KHDRBS2: variants seen among roughly 807,000 people sequenced by gnomAD.
KHDRBS2 encodes KH RNA binding domain containing, signal transduction associated 2, also known as KH domain-containing, RNA-binding, signal transduction-associated protein 2.
In KHDRBS2, 26 loss-of-function variants were observed where a neutral mutation model predicts 44.3. That is an observed-to-expected ratio of 0.59 (90% confidence interval 0.43 to 0.81). The LOEUF is 0.81. Among genes scored for constraint, KHDRBS2 ranks in the 40% least tolerant of loss-of-function variants. KHDRBS2 has a pLI of 0.00. For synonymous variants in KHDRBS2, 194 were observed against 151.1 expected (o/e 1.28, Z -2.08); for missense variants, 476 against 433.1 (o/e 1.10, Z -0.88).
At chr6:61,782,384 T>G (rs960968439) in intron 6 of KHDRBS2, among the ~76,000 whole-genome samples, 5 of 151,976 alleles carry the variant, frequency 3.3e-5, no homozygotes, top group African/African-American at 1.2e-4. Flanking sequence ...GAAATACCAT[T>G]TTTGAAGGGC....
rs778371723 is a variant in KHDRBS2 at position 61,978,190 on chromosome 6, C to T, written c.359G>A (p.Gly120Glu). The T allele has an allele frequency of 6.2e-6, 10 of 1,606,208 alleles. No individual in the cohort carries two copies. Among genetic ancestry groups the T allele is most frequent in the African/African-American group, 1.3e-5 (1 of 74,544 alleles). The change falls in exon 4 of 9, where the codon GGG (glycine) becomes GAG (glutamate). Residue 120 changes from glycine (G) to glutamate (E), a missense_variant. By Grantham distance (98) the Gly-to-Glu change is moderately conservative (BLOSUM62 -2). Transcript: ENST00000281156. ...KAKEEELRKS[G>E]EAKYAHLSDE... is the part of the protein sequence containing the mutation. ...ACTCAAGTGGGCATATTTGGCTTCC[C>T]CACTCTTCCTTAGTTCTTCTTCCTG...
chr6:61,828,748 A>G (rs1370799209), intron 6 of KHDRBS2, among the ~76,000 whole-genome samples: 1 of 152,192 alleles, frequency 6.6e-6, no homozygotes, highest in African/African-American at 2.4e-5. Context: ...ATTTGTCACA[A>G]GATTTTACAC....
intron 4 of KHDRBS2, among the ~76,000 whole-genome samples, chr6:61,939,133 T>G (rs972205510): frequency 1.3e-5 from 2 of 151,512 alleles, no homozygotes; most frequent in Non-Finnish European, 2.9e-5. Flanking sequence ...ACACCAAAAA[T>G]TATCTGGCCT....
intron 3 of KHDRBS2, among the ~76,000 whole-genome samples, chr6:62,025,625 T>A (rs1783162484): frequency 6.6e-6 from 1 of 152,058 alleles, no homozygotes. Flanking sequence ...TGTATTGATT[T>A]TTCCAATTTT....
intron 4 of KHDRBS2, among the ~76,000 whole-genome samples, chr6:61,930,566 A>AAAAG: frequency 7.7e-6 from 1 of 129,390 alleles, no homozygotes; most frequent in African/African-American, 2.8e-5. Flanking sequence ...AAAAAAAAAA[A>AAAAG]AGGCTAGTCT....
chr6:62,147,468 C>CT lies in KHDRBS2; in HGVS notation c.219+29716dup, dbSNP rs1814196422. ...AGTCACTGGGCATTGCTTAGTTTCC[C>CT]TTTGTTCAGTTTCCTCAGTATTTTT... On this transcript the variant is annotated intron_variant, in intron 2 of 8. Coordinates refer to ENST00000281156, the MANE Select transcript of KHDRBS2 (RefSeq NM_152688.4). Among the ~76,000 whole-genome samples the CT allele has an allele frequency of 2.6e-5, 4 of 151,896 alleles. No individual in the cohort carries two copies. The South Asian group carries it at 8.3e-4, about 31-fold the overall frequency.
At chr6:62,126,946 T>C (rs948507130) in intron 2 of KHDRBS2, among the ~76,000 whole-genome samples, 3 of 152,310 alleles carry the variant, frequency 2.0e-5, no homozygotes, top group Middle Eastern at 3.4e-3. Flanking sequence ...GCTTGAGTTA[T>C]TTAGTTCTAT....
chr6:62,195,745 T>G (rs1825551810), intron 1 of KHDRBS2, among the ~76,000 whole-genome samples: 1 of 151,974 alleles, frequency 6.6e-6, no homozygotes, highest in Non-Finnish European at 1.5e-5. Context: ...ATAGTCCAGC[T>G]AAAAAAAGTC....
the KHDRBS2 span, among the ~76,000 whole-genome samples, chr6:61,621,765 G>A: frequency 6.6e-6 from 1 of 152,174 alleles, no homozygotes; most frequent in African/African-American, 2.4e-5. Flanking sequence ...GTGGTAAGAT[G>A]TTACTCCTGT....
the KHDRBS2 span, among the ~76,000 whole-genome samples, chr6:61,642,023 G>A: frequency 3.9e-5 from 6 of 152,068 alleles, no homozygotes; most frequent in South Asian, 2.1e-4. Context: ...TTTGTATGCC[G>A]CCTGAGATTC....
At chr6:61,994,824 G>T (rs529698152) in intron 3 of KHDRBS2, among the ~76,000 whole-genome samples, 68 of 152,168 alleles carry the variant, frequency 4.5e-4, no homozygotes, top group African/African-American at 1.6e-3. Flanking sequence ...CAGAGTGCGT[G>T]TGGGGTCTTC....
intron 2 of KHDRBS2, among the ~76,000 whole-genome samples, chr6:62,102,509 T>G (rs1363862542): frequency 2.0e-5 from 3 of 152,204 alleles, no homozygotes; most frequent in Non-Finnish European, 2.9e-5. Flanking sequence ...CCCAGAGGGC[T>G]GAAGCTCTTC....
At chr6:61,743,901 T>C (rs1270095302) in intron 6 of KHDRBS2, among the ~76,000 whole-genome samples, 1 of 151,548 alleles carries the variant, frequency 6.6e-6, no homozygotes, top group Non-Finnish European at 1.5e-5. Context: ...GTCCTTGCGA[T>C]AGTTTGCTGA....
chr6:61,794,708 CA>C (rs1785072341), intron 6 of KHDRBS2, among the ~76,000 whole-genome samples: 1 of 152,182 alleles, frequency 6.6e-6, no homozygotes, highest in Admixed American at 6.5e-5. Flanking sequence ...CAGTACCAAC[CA>C]AAGTGGTTCT....
chr6:61,593,804 C>A, the KHDRBS2 span, among the ~76,000 whole-genome samples: 5 of 152,006 alleles, frequency 3.3e-5, no homozygotes, highest in Non-Finnish European at 7.4e-5. Flanking sequence ...TCTTGAGTTT[C>A]CTGGGCCTGT....
rs147773199 is a variant in KHDRBS2 at position 62,041,105 on chromosome 6, C to A, written c.336+6773G>T. On this transcript the variant is annotated intron_variant, in intron 3 of 8. Transcript: ENST00000281156. ...CAGCACTTTCCGAGGCTGAGGCGGG[C>A]AGATCACCTGAGGTCGGGAGTTCAA... is the stretch of plus-strand genomic sequence containing the variant. Among the ~76,000 whole-genome samples the A allele has an allele frequency of 9.2e-3, 1,401 of 152,086 alleles. 6 individuals are homozygous for A. Among genetic ancestry groups the A allele is most frequent in the South Asian group, 0.017 (83 of 4,818 alleles).
intron 1 of KHDRBS2, among the ~76,000 whole-genome samples, chr6:62,261,421 T>G (rs763522192): frequency 2.0e-5 from 3 of 151,802 alleles, no homozygotes; most frequent in Non-Finnish European, 4.4e-5. Context: ...TTAGTCCCAT[T>G]TTATAACATG....
At chr6:61,937,555 GAA>G (rs1319035595) in intron 4 of KHDRBS2, among the ~76,000 whole-genome samples, 2 of 151,882 alleles carry the variant, frequency 1.3e-5, no homozygotes, top group Non-Finnish European at 2.9e-5. Context: ...TTTCTTCTTT[GAA>G]AACTTCTACT....
At chr6:61,596,203 G>A in the KHDRBS2 span, among the ~76,000 whole-genome samples, 1 of 152,070 alleles carries the variant, frequency 6.6e-6, no homozygotes, top group Admixed American at 6.6e-5. Flanking sequence ...GAGCCCAGCA[G>A]GCAGCCCTTA....
Sources: allele counts gnomAD v4.1 joint callset (sites outside exome capture counted in the v4.1 genomes callset), GRCh38; gene constraint gnomAD v4.1.1; transcripts MANE v1.5; gene names NCBI Gene and HGNC (gene_info 2026-07-23, HGNC 2026-07-21).